PTPRG: variants seen among roughly 807,000 people sequenced by gnomAD.
PTPRG encodes the protein receptor-type tyrosine-protein phosphatase gamma.
PTPRG carries 102 observed loss-of-function variants against 165.3 expected under a neutral mutation model. The observed-to-expected ratio is 0.62, with a 90% CI of 0.53 to 0.73. The LOEUF (loss-of-function observed/expected upper bound fraction) is 0.73. PTPRG is among the 30% of genes least tolerant of loss of function. The pLI is 0.00. For synonymous variants in PTPRG, 675 were observed against 669.5 expected (o/e 1.01, Z -0.13); for missense variants, 1,866 against 1,861.4 (o/e 1.00, Z -0.05).
chr3:62,278,565 C>T (rs1174427834), intron 26 of PTPRG, among the ~76,000 whole-genome samples: 1 of 152,022 alleles, frequency 6.6e-6, no homozygotes, highest in Admixed American at 6.6e-5. Context: ...CAGTGAGGAT[C>T]TGCCTTTATG....
chr3:61,932,629 C>T (rs968990423), intron 2 of PTPRG, among the ~76,000 whole-genome samples: 2 of 152,114 alleles, frequency 1.3e-5, no homozygotes, highest in Admixed American at 6.6e-5. Context: ...ATTATATTCT[C>T]ACTTCACAGC....
chr3:62,075,488 G>T (rs1701351180), intron 4 of PTPRG, among the ~76,000 whole-genome samples: 2 of 152,152 alleles, frequency 1.3e-5, no homozygotes, highest in South Asian at 2.1e-4. Context: ...CAACACATTT[G>T]TAAGAAACTG....
At chr3:61,697,425 G>T (rs1208834766) in intron 1 of PTPRG, among the ~76,000 whole-genome samples, 7 of 152,170 alleles carry the variant, frequency 4.6e-5, no homozygotes, top group Non-Finnish European at 8.8e-5. Context: ...GACTTAGAAA[G>T]CTTCTTACAA....
intron 2 of PTPRG, among the ~76,000 whole-genome samples, chr3:61,893,782 A>C (rs1218136549): frequency 1.3e-5 from 2 of 152,228 alleles, no homozygotes; most frequent in Non-Finnish European, 2.9e-5. Flanking sequence ...GAGCGGGGGC[A>C]TCCAGTTGGT....
intron 2 of PTPRG, among the ~76,000 whole-genome samples, chr3:61,848,107 GAGGACGTAGGCAATTCTC>G (rs1163649308): frequency 1.3e-5 from 2 of 152,204 alleles, no homozygotes; most frequent in Non-Finnish European, 2.9e-5. Context: ...AGCTGTGGCT[GAGGACGTAGGCAATTCTC>G]ATGCACACTT....
rs1037595105 is a variant in PTPRG at position 62,229,205 on chromosome 3, T to C, written c.2289-2020T>C. Among the ~76,000 whole-genome samples the C allele has an allele frequency of 6.6e-6, 1 of 152,188 alleles. No homozygotes were observed. Among genetic ancestry groups the C allele is most frequent in the Non-Finnish European group, 1.5e-5 (1 of 68,034 alleles). ...AAAGAGATGGGGGTAGGGAGTCTTT[T>C]GAGGTCCCCAAACTGTTCCTGGAGG... is the stretch of plus-strand genomic sequence containing the variant. On this transcript the variant is annotated intron_variant, in intron 13 of 29. Transcript: ENST00000474889. This position sits in a 1 kb window ranked among gnomAD's most constrained non-coding sequence, Gnocchi z 4.6.
chr3:61,946,837 GCTC>G (rs1328582496), intron 2 of PTPRG, among the ~76,000 whole-genome samples: 1 of 152,204 alleles, frequency 6.6e-6, no homozygotes, highest in Non-Finnish European at 1.5e-5. Flanking sequence ...TTATGTTAGA[GCTC>G]CTTACGGTAT....
chr3:61,691,770 G>A lies in PTPRG; in HGVS notation c.86-57108G>A, dbSNP rs531944238. 6.3e-4 allele frequency among the ~76,000 whole-genome samples: 96 copies of A among 152,364 alleles called. 1 individual carries two copies. The highest frequency in any genetic ancestry group is 2.2e-3 in the African/African-American group (93 of 41,592). On this transcript the variant is annotated intron_variant, in intron 1 of 29. Transcript: ENST00000474889. The stretch of plus-strand genomic sequence containing the variant: ...ACCATTTTGGTTCTCACCAAGAACA[G>A]ATGGTAGCATCAAGTATTTCAGTAA...
At position 62,245,999 on chromosome 3, in the gene PTPRG, AG is replaced by A. The variant is rs1701281128; in HGVS notation, c.2467+2102del. The stretch of plus-strand genomic sequence containing the variant: ...TTTGAATGTTTTCTGTTTCATTCCC[AG>A]TTACCTATTTAATTAAGAAGTTAAA... On this transcript the variant is annotated intron_variant, in intron 15 of 29. Transcript: ENST00000474889. This position sits in a 1 kb window ranked among gnomAD's most constrained non-coding sequence, Gnocchi z 4.2. Among the ~76,000 whole-genome samples, 2 of 152,174 alleles carry A rather than the reference AG, an allele frequency of 1.3e-5. No individual in the cohort carries two copies. The highest frequency in any genetic ancestry group is 4.8e-5 in the African/African-American group (2 of 41,448).
intron 2 of PTPRG, among the ~76,000 whole-genome samples, chr3:61,825,627 A>G (rs1253003892): frequency 6.6e-6 from 1 of 150,830 alleles, no homozygotes; most frequent in Non-Finnish European, 1.5e-5. Context: ...TAGTTCTACC[A>G]CTTGGCTTAT....
chr3:61,618,039 G>T (rs1476898135), intron 1 of PTPRG, among the ~76,000 whole-genome samples: 1 of 152,190 alleles, frequency 6.6e-6, no homozygotes, highest in Non-Finnish European at 1.5e-5. Context: ...AAGCGGCCAG[G>T]TGGTACTTGG....
At chr3:61,600,780 G>C (rs184023164) in intron 1 of PTPRG, among the ~76,000 whole-genome samples, 40 of 152,208 alleles carry the variant, frequency 2.6e-4, no homozygotes, top group African/African-American at 7.9e-4. Flanking sequence ...AGCTCAAGCA[G>C]TCCTGCTACC....
intron 1 of PTPRG, among the ~76,000 whole-genome samples, chr3:61,575,983 G>A (rs1700166531): frequency 6.6e-6 from 1 of 152,196 alleles, no homozygotes; most frequent in South Asian, 2.1e-4. Context: ...TGAAACAAAA[G>A]TGTGCCTAAA....
rs1259049204 is a variant in PTPRG at position 61,670,758 on chromosome 3, T to C, written c.86-78120T>C. Reference sequence around the variant, plus strand: ...CGCGAGTTTTCACAACACGGGGAATTTGTCATGGTTGAGTCTGCTGTCGTT... The same window carrying C: ...CGCGAGTTTTCACAACACGGGGAATCTGTCATGGTTGAGTCTGCTGTCGTT... On this transcript the variant is annotated intron_variant, in intron 1 of 29. Coordinates refer to ENST00000474889, the MANE Select transcript of PTPRG (RefSeq NM_002841.4). 3.9e-5 allele frequency among the ~76,000 whole-genome samples: 6 copies of C among 152,204 alleles called. No individual in the cohort carries two copies. The South Asian group carries it at 6.2e-4, about 16-fold the overall frequency.
chr3:61,856,427 A>G (rs938836102), intron 2 of PTPRG, among the ~76,000 whole-genome samples: 1 of 152,156 alleles, frequency 6.6e-6, no homozygotes, highest in East Asian at 1.9e-4. Flanking sequence ...AAGCCAAAAG[A>G]AACAGTTACA....
chr3:61,726,989 G>A (rs2032289053), intron 1 of PTPRG, among the ~76,000 whole-genome samples: 1 of 151,320 alleles, frequency 6.6e-6, no homozygotes, highest in African/African-American at 2.4e-5. Context: ...GGAGCTTGCA[G>A]TGAGCCGAGA....
chr3:61,991,720 C>T (rs2040895429), intron 3 of PTPRG, among the ~76,000 whole-genome samples: 1 of 152,178 alleles, frequency 6.6e-6, no homozygotes, highest in African/African-American at 2.4e-5. Flanking sequence ...AACTGAGTAC[C>T]ACCTCAGCAC....
At chr3:62,236,994 TTTG>T (rs767443957) in intron 14 of PTPRG, among the ~76,000 whole-genome samples, 9 of 152,160 alleles carry the variant, frequency 5.9e-5, no homozygotes, top group Non-Finnish European at 1.0e-4. Context: ...TGTTTGTTTG[TTTG>T]TTAATACAGC....
intron 2 of PTPRG, among the ~76,000 whole-genome samples, chr3:61,759,650 T>C (rs2033766006): frequency 6.6e-6 from 1 of 152,102 alleles, no homozygotes; most frequent in Admixed American, 6.6e-5. Context: ...TGAGACCCTG[T>C]CTCAAAAATA....
Sources: gnomAD v4.1 joint callset for allele counts (sites outside exome capture counted in the v4.1 genomes callset) on GRCh38, gnomAD v4.1.1 for gene constraint, Gnocchi (gnomAD v3.1) non-coding constraint, MANE v1.5 for transcripts, NCBI Gene and HGNC (gene_info 2026-07-23, HGNC 2026-07-21) for gene names.